The following SLC16A7 variants were observed in gnomAD, a reference collection of about 807,000 sequenced individuals.
SLC16A7 encodes solute carrier family 16 member 7.
In SLC16A7, 33 loss-of-function variants were observed where a neutral mutation model predicts 34.9. That is an observed-to-expected ratio of 0.94 (90% CI 0.72 to 1.26). The LOEUF is 1.26. Ranked by LOEUF, SLC16A7 falls within the 50% of genes most tolerant of loss-of-function variation. SLC16A7 has a pLI of 0.00. For synonymous variants in SLC16A7, 201 were observed against 206.6 expected (o/e 0.97, Z 0.23); for missense variants, 573 against 578.1 (o/e 0.99, Z 0.09).
chr12:59,753,448 T>C (rs1879859456), intron 3 of SLC16A7, among the ~76,000 whole-genome samples: 1 of 151,778 alleles, frequency 6.6e-6, no homozygotes, highest in Non-Finnish European at 1.5e-5. Context: ...AAGGCAGGGG[T>C]TGCATTCCTA....
chr12:59,705,357 G>A (rs371838722), intron 3 of SLC16A7, among the ~76,000 whole-genome samples: 2 of 152,072 alleles, frequency 1.3e-5, no homozygotes, highest in Non-Finnish European at 2.9e-5. Context: ...TTTCACAATC[G>A]CTACCTCTGG....
At chr12:59,726,862 T>A (rs2706320) in intron 3 of SLC16A7, among the ~76,000 whole-genome samples, 18,593 of 151,906 alleles carry the variant, frequency 0.12, 1,490 homozygotes, top group African/African-American at 0.22. Flanking sequence ...TGGGAAACAA[T>A]ACTTGAAAAT....
intron 3 of SLC16A7, among the ~76,000 whole-genome samples, chr12:59,742,381 A>T (rs1043546937): frequency 6.6e-6 from 1 of 152,152 alleles, no homozygotes; most frequent in African/African-American, 2.4e-5. Context: ...ATTTTTAAAG[A>T]GGCAGTGTGA....
rs1356147016 is a variant in SLC16A7, at chr12:59,783,005, T to C, written c.*3326T>C. On this transcript the variant is annotated 3_prime_UTR_variant, in exon 6 of 6. Coordinates refer to ENST00000547379, the MANE Select transcript of SLC16A7 (RefSeq NM_001270623.2). The stretch of plus-strand genomic sequence containing the variant: ...CACTTTAAAAAATCTAGATAATTTA[T>C]ACTCATTCTTTTCTGGCTGTACAAC... 2 of 152,212 alleles carry C rather than the reference T, an allele frequency of 1.3e-5. No individual in the cohort carries two copies. The highest frequency in any genetic ancestry group is 2.9e-5 in the Non-Finnish European group (2 of 68,030). 9.4% of individuals were successfully genotyped at this position (152,212 alleles called of 1,614,324 possible).
chr12:59,717,907 AC>A (rs1157935686), intron 3 of SLC16A7, among the ~76,000 whole-genome samples: 1 of 152,172 alleles, frequency 6.6e-6, no homozygotes, highest in East Asian at 1.9e-4. Flanking sequence ...TTGTGAAGAA[AC>A]AAAATTGGAC....
chr12:59,609,005 G>T (rs1012470902), intron 1 of SLC16A7, among the ~76,000 whole-genome samples: 1 of 152,158 alleles, frequency 6.6e-6, no homozygotes, highest in Non-Finnish European at 1.5e-5. Context: ...TTATGTAGGG[G>T]CCAAGGGAAG....
chr12:59,702,398 A>G (rs1872995146), intron 2 of SLC16A7, among the ~76,000 whole-genome samples: 1 of 152,068 alleles, frequency 6.6e-6, no homozygotes, highest in Non-Finnish European at 1.5e-5. Context: ...TTTCTAAGAA[A>G]GCAAAAATGA....
At chr12:59,750,274 A>G (rs1879365392) in intron 3 of SLC16A7, among the ~76,000 whole-genome samples, 2 of 152,358 alleles carry the variant, frequency 1.3e-5, no homozygotes, top group South Asian at 4.1e-4. Flanking sequence ...CAGAGTGAAC[A>G]GGCCACCTAC....
chr12:59,732,357 T>A (rs7132933), intron 3 of SLC16A7, among the ~76,000 whole-genome samples: 11,827 of 151,842 alleles, frequency 0.078, 556 homozygotes, highest in Middle Eastern at 0.18. Context: ...GAGGTGGAGG[T>A]TGAAGTGAGC....
chr12:59,645,436 G>T (rs1472106131), intron 1 of SLC16A7, among the ~76,000 whole-genome samples: 1 of 152,114 alleles, frequency 6.6e-6, no homozygotes. Flanking sequence ...AGATTTGATG[G>T]TTTTATAAGG....
chr12:59,608,023 C>T (rs1879022743), intron 1 of SLC16A7, among the ~76,000 whole-genome samples: 1 of 152,160 alleles, frequency 6.6e-6, no homozygotes, highest in Non-Finnish European at 1.5e-5. Flanking sequence ...TAATTCTTTT[C>T]TATTCAAAGC....
intron 2 of SLC16A7, among the ~76,000 whole-genome samples, chr12:59,685,298 T>C (rs1693621): frequency 0.2 from 30,239 of 151,948 alleles, 3,141 homozygotes; most frequent in African/African-American, 0.27. Flanking sequence ...AGTTGTAAAT[T>C]CTGTGATTTA....
At chr12:59,611,019 C>T (rs181587936) in intron 1 of SLC16A7, among the ~76,000 whole-genome samples, 97 of 152,268 alleles carry the variant, frequency 6.4e-4, no homozygotes, top group Non-Finnish European at 1.3e-3. Flanking sequence ...TCACAGATAG[C>T]AGTGTTATAC....
intron 2 of SLC16A7, among the ~76,000 whole-genome samples, chr12:59,667,665 A>C (rs937714727): frequency 6.6e-6 from 1 of 152,104 alleles, no homozygotes. Flanking sequence ...GAGAAGAAAA[A>C]CCCATTTTCT....
chr12:59,778,345 A>C (rs1206709333), intron 5 of SLC16A7, among the ~76,000 whole-genome samples: 1 of 152,080 alleles, frequency 6.6e-6, no homozygotes, highest in Non-Finnish European at 1.5e-5. Context: ...TAAAACAGAA[A>C]ATTTTGTTTA....
Position 59,632,537 on chromosome 12 carries a change from C to T in SLC16A7, c.-129-22615C>T, listed in dbSNP as rs548007959. 2.0e-5 allele frequency among the ~76,000 whole-genome samples: 3 copies of T among 152,010 alleles called. No homozygotes were observed. In the East Asian group the frequency reaches 5.8e-4, roughly 30 times the overall value. Reference sequence around the variant, plus strand: ...TTCTTTGGGGCTCATAAATTTTAATCCTGTACTTGCACAACCCTGAATTCC... The same window carrying T: ...TTCTTTGGGGCTCATAAATTTTAATTCTGTACTTGCACAACCCTGAATTCC... On this transcript the variant is annotated intron_variant, in intron 1 of 5. Transcript: ENST00000547379.
At chr12:59,651,278 C>T (rs1868338217) in intron 1 of SLC16A7, among the ~76,000 whole-genome samples, 1 of 152,128 alleles carries the variant, frequency 6.6e-6, no homozygotes, top group Admixed American at 6.6e-5. Flanking sequence ...GATTAGTGAA[C>T]TCAATAATTT....
chr12:59,693,957 C>G (rs1300797025), intron 2 of SLC16A7, among the ~76,000 whole-genome samples: 1 of 151,850 alleles, frequency 6.6e-6, no homozygotes, highest in Non-Finnish European at 1.5e-5. Flanking sequence ...ATGCCCTCAT[C>G]TATGAAACGT....
chr12:59,597,333 T>C lies in SLC16A7; in HGVS notation c.-130+1097T>C, dbSNP rs750990881. 3.3e-4 allele frequency among the ~76,000 whole-genome samples: 50 copies of C among 152,206 alleles called. 1 individual carries two copies. The highest frequency in any genetic ancestry group is 4.0e-4 in the Non-Finnish European group (27 of 68,016). On this transcript the variant is annotated intron_variant, in intron 1 of 5. Coordinates refer to ENST00000547379, the MANE Select transcript of SLC16A7 (RefSeq NM_001270623.2). ...AATTGTTTTTTGATTTCCTTTCCTG[T>C]ATTATTTCGTGTCCTCCTTCCCTCT...
Sources: gnomAD v4.1 joint callset for allele counts (sites outside exome capture counted in the v4.1 genomes callset) on GRCh38, gnomAD v4.1.1 for gene constraint, MANE v1.5 for transcripts, NCBI Gene and HGNC (gene_info 2026-07-23, HGNC 2026-07-21) for gene names.